The following ATP8A2 variants were observed in gnomAD, a reference collection of about 807,000 sequenced individuals.
The protein encoded by ATP8A2 is ATPase phospholipid transporting 8A2.
Under a neutral mutation model 165.6 loss-of-function variants are expected in ATP8A2, and 100 were observed. The ratio of observed to expected loss-of-function variants is 0.60; its 90% CI spans 0.51 to 0.71. The LOEUF (loss-of-function observed/expected upper bound fraction) is 0.71, where lower values mean the gene tolerates loss of function less well. Among genes scored for constraint, ATP8A2 ranks in the 30% least tolerant of loss-of-function variants. The pLI, the probability that ATP8A2 is intolerant of heterozygous loss-of-function variation, is 0.00. For synonymous variants in ATP8A2, 543 were observed against 548.8 expected, an observed-to-expected ratio of 0.99 and a Z score of 0.15; for missense variants, 1,227 against 1,479.5, an observed-to-expected ratio of 0.83 and a Z score of 2.80.
chr13:25,649,819 C>T (rs934954491), intron 24 of ATP8A2, among the ~76,000 whole-genome samples: 1 of 152,160 alleles, frequency 6.6e-6, no homozygotes, highest in Non-Finnish European at 1.5e-5. Flanking sequence ...CTTTCCACCT[C>T]TTCCAGGAGT....
chr13:25,484,813 G>A (rs1299320478), intron 2 of ATP8A2, among the ~76,000 whole-genome samples: 5 of 152,104 alleles, frequency 3.3e-5, no homozygotes, highest in Non-Finnish European at 7.4e-5. Flanking sequence ...GACCGCAACC[G>A]GCAGGAATAT....
At chr13:25,486,316 A>G (rs913764796) in intron 2 of ATP8A2, among the ~76,000 whole-genome samples, 13 of 152,234 alleles carry the variant, frequency 8.5e-5, no homozygotes, top group African/African-American at 2.9e-4. Context: ...TGTGATATTT[A>G]TAAATATTTT....
rs146772648 is a variant in ATP8A2, at chr13:25,928,492, G to A, written c.3184-33083G>A. On this transcript the variant is annotated intron_variant, in intron 33 of 36. Transcript: ENST00000381655. ...AGAGAAGAATTCCTATGGAATATCAGAGCAGGGAATAGAGAGCAAGAACTC... is the reference window on the plus strand; with the variant it reads ...AGAGAAGAATTCCTATGGAATATCAAAGCAGGGAATAGAGAGCAAGAACTC... Among the ~76,000 whole-genome samples the A allele has an allele frequency of 2.2e-3, 337 of 152,276 alleles. 1 individual carries two copies. The highest frequency in any genetic ancestry group is 7.7e-3 in the African/African-American group (322 of 41,552).
chr13:25,831,789 G>A (rs1951479866), intron 28 of ATP8A2, among the ~76,000 whole-genome samples: 1 of 151,690 alleles, frequency 6.6e-6, no homozygotes, highest in Admixed American at 6.6e-5. Flanking sequence ...GTTGCAGTAA[G>A]CTGAGATCAC....
rs1263476313 is a variant in ATP8A2, at chr13:25,540,327, A to G, written c.590A>G (p.Gln197Arg). ...TTTTTCTCTCTCCTTAGTGAACCTC[A>G]GGCAATGTGTTATGTTGAAACAGCT... ...DVVLLSSSEP[Q>R]AMCYVETANL... is the part of the protein sequence containing the mutation. The change falls in exon 8 of 37, where the codon CAG becomes CGG. Residue 197 changes from glutamine (Q) to arginine (R), a missense_variant. Physicochemically the swap from Gln to Arg is conservative, Grantham distance 43 (BLOSUM62 1). Coordinates refer to ENST00000381655, the MANE Select transcript of ATP8A2 (RefSeq NM_016529.6). 4 of 1,613,506 alleles carry G rather than the reference A, an allele frequency of 2.5e-6. No individual in the cohort carries two copies. The highest frequency in any genetic ancestry group is 3.4e-6 in the Non-Finnish European group (4 of 1,179,430).
At chr13:25,533,357 G>T in intron 6 of ATP8A2, 44 bp downstream of exon 6, 1 of 1,087,476 alleles carries the variant, frequency 9.2e-7, no homozygotes, top group South Asian at 1.3e-5. Flanking sequence ...TTGGTTTGAA[G>T]ACGCGTAATG....
intron 24 of ATP8A2, among the ~76,000 whole-genome samples, chr13:25,651,868 G>A (rs1465317477): frequency 2.0e-5 from 3 of 151,576 alleles, no homozygotes; most frequent in Admixed American, 1.3e-4. Context: ...CTTTAATTTT[G>A]ATTTTAGTCA....
chr13:25,995,472 C>T (rs950677603), intron 35 of ATP8A2, among the ~76,000 whole-genome samples: 10 of 151,430 alleles, frequency 6.6e-5, no homozygotes, highest in East Asian at 3.9e-4. Context: ...CTGTTTTAAC[C>T]ATGTACCACA....
At chr13:25,888,004 G>A (rs1219501587) in intron 33 of ATP8A2, among the ~76,000 whole-genome samples, 1 of 151,772 alleles carries the variant, frequency 6.6e-6, no homozygotes, top group Non-Finnish European at 1.5e-5. Context: ...GACTTTTGAG[G>A]TCGTGGAAGT....
At chr13:25,517,535 T>C (rs2037519990) in intron 2 of ATP8A2, among the ~76,000 whole-genome samples, 1 of 152,190 alleles carries the variant, frequency 6.6e-6, no homozygotes, top group Non-Finnish European at 1.5e-5. Flanking sequence ...CACTATTTAA[T>C]AGGAATTATA....
At chr13:25,731,898 A>G (rs1184746007) in intron 25 of ATP8A2, among the ~76,000 whole-genome samples, 3 of 152,228 alleles carry the variant, frequency 2.0e-5, no homozygotes, top group Non-Finnish European at 4.4e-5. Flanking sequence ...TCGAAAGCTT[A>G]AGCTCTGAAA....
chr13:25,942,344 A>G (rs1005908043), intron 33 of ATP8A2, among the ~76,000 whole-genome samples: 1 of 152,236 alleles, frequency 6.6e-6, no homozygotes, highest in African/African-American at 2.4e-5. Flanking sequence ...CAAATTTCTC[A>G]GTCTGTGGCT....
In ATP8A2 at chr13:25,557,035, T is replaced by A. The variant is rs77374975; in HGVS notation, c.1264-1938T>A. ...AGTGAATTCTGTGATGGTTTGTGTATCATTTTTGAGTTTATTGCCAGAAAA... is the reference window on the plus strand; with the variant it reads ...AGTGAATTCTGTGATGGTTTGTGTAACATTTTTGAGTTTATTGCCAGAAAA... On this transcript the variant is annotated intron_variant, in intron 13 of 36. Transcript: ENST00000381655. Among the ~76,000 whole-genome samples the A allele has an allele frequency of 5.2e-3, 791 of 152,314 alleles. 6 individuals carry two copies. Among genetic ancestry groups the A allele is most frequent in the African/African-American group, 0.018 (757 of 41,570 alleles).
At chr13:25,601,680 G>C (rs1345330507) in intron 24 of ATP8A2, among the ~76,000 whole-genome samples, 1 of 152,180 alleles carries the variant, frequency 6.6e-6, no homozygotes, top group Non-Finnish European at 1.5e-5. Flanking sequence ...CACCATGTTG[G>C]CCAGTTGCTG....
At chr13:25,620,782 A>G (rs894271206) in intron 24 of ATP8A2, among the ~76,000 whole-genome samples, 8 of 152,218 alleles carry the variant, frequency 5.3e-5, no homozygotes, top group Admixed American at 4.6e-4. Flanking sequence ...TAATTGAACA[A>G]AATGTTAGAA....
intron 2 of ATP8A2, among the ~76,000 whole-genome samples, chr13:25,495,181 G>C (rs2036638214): frequency 1.3e-5 from 2 of 152,190 alleles, no homozygotes; most frequent in Non-Finnish European, 2.9e-5. Context: ...TTCCAGGGTG[G>C]GGCTGGGCTT....
intron 33 of ATP8A2, among the ~76,000 whole-genome samples, chr13:25,886,066 G>C (rs754543587): frequency 6.6e-6 from 1 of 152,198 alleles, no homozygotes. Flanking sequence ...ATGCTCCACT[G>C]TATTCAAGCT....
rs536706254 is a variant in ATP8A2, at chr13:25,741,384, T to G, written c.2385-27662T>G. On this transcript the variant is annotated intron_variant, in intron 25 of 36. Coordinates refer to ENST00000381655, the MANE Select transcript of ATP8A2 (RefSeq NM_016529.6). ...ACACTCGAGCAACATTTTAGTTGTT[T>G]GTTTGTTTGTGTTTAGACAGGGACT... Among the ~76,000 whole-genome samples, 9 of 152,222 alleles carry G rather than the reference T, an allele frequency of 5.9e-5. 1 individual carries two copies. The South Asian group carries it at 1.9e-3, about 32-fold the overall frequency.
intron 15 of ATP8A2, among the ~76,000 whole-genome samples, chr13:25,561,642 A>G (rs1328088148): frequency 6.6e-6 from 1 of 152,146 alleles, no homozygotes; most frequent in Non-Finnish European, 1.5e-5. Context: ...GTGTAACATA[A>G]TATTTATCAT....
Sources: allele counts gnomAD v4.1 joint callset (sites outside exome capture counted in the v4.1 genomes callset), GRCh38; gene constraint gnomAD v4.1.1; transcripts MANE v1.5; gene names NCBI Gene and HGNC (gene_info 2026-07-23, HGNC 2026-07-21).